Variants in OGG1 observed in about 807,000 individuals in gnomAD.
The protein encoded by OGG1 is N-glycosylase/DNA lyase.
A neutral mutation model predicts 42.3 loss-of-function variants in OGG1; 35 were observed. The ratio of observed to expected loss-of-function variants is 0.83; its 90% CI spans 0.63 to 1.10. The LOEUF (loss-of-function observed/expected upper bound fraction) is 1.10. OGG1 is among the 50% of genes least tolerant of loss of function. The pLI is 0.00. For missense variants in OGG1, 484 were observed against 446.7 expected (o/e 1.08, Z -0.75); for synonymous variants, 189 against 179.0 (o/e 1.06, Z -0.44).
rs781015219 is a variant in OGG1, at chr3:9,757,039, C to A, written c.949-22C>A. ...TGACCCCAGTGTACCCTCCTCCCCA[C>A]ACAGACTCCACCCTCCTACAGGTGC... On this transcript the variant is annotated intron_variant, in intron 6 of 6. Coordinates refer to ENST00000344629, the MANE Select transcript of OGG1 (RefSeq NM_002542.6). This position sits in a 1 kb window ranked among gnomAD's most constrained non-coding sequence, Gnocchi z 4.5. The A allele has an allele frequency of 6.2e-7, 1 of 1,613,896 alleles. No homozygotes were observed. Among genetic ancestry groups the A allele is most frequent in the African/African-American group, 1.3e-5 (1 of 74,934 alleles).
Position 9,773,966 on chromosome 3 carries a change from A to G in OGG1, c.295-7547A>G, listed in dbSNP as rs2078333975. ...AGTGATCCTCCTGCTTGGGTCTCCCAGAGTGCCGGGATTATAGGCGTGAGC... is the reference window on the plus strand; with the variant it reads ...AGTGATCCTCCTGCTTGGGTCTCCCGGAGTGCCGGGATTATAGGCGTGAGC... On this transcript the variant is annotated intron_variant, in intron 2 of 3. Transcript: ENST00000426518. 2.0e-5 allele frequency among the ~76,000 whole-genome samples: 3 copies of G among 152,306 alleles called. No individual in the cohort carries two copies. In the South Asian group the frequency reaches 6.2e-4, roughly 32 times the overall value.
downstream of OGG1, chr3:9,758,217 G>T (rs1468345687): frequency 1.8e-5 from 3 of 166,354 alleles, no homozygotes; most frequent in South Asian, 3.1e-4. Context: ...TTCAAAGGAG[G>T]AAACTGAGGC....
intron 2 of OGG1, 134 bp downstream of exon 2, chr3:9,751,326 T>C: frequency 1.1e-6 from 1 of 877,422 alleles, no homozygotes; most frequent in Non-Finnish European, 1.9e-6. Flanking sequence ...AACTAATACA[T>C]GTAAAGTGCT....
downstream of OGG1, chr3:9,789,428 A>T (rs293790): frequency 7.6e-7 from 1 of 1,315,798 alleles, no homozygotes. Context: ...AAGATGATGC[A>T]TGGCTTTGGT....
At chr3:9,787,124 G>GA (rs746050938) in intron 3 of OGG1, 1 of 1,614,212 alleles carries the variant, frequency 6.2e-7, no homozygotes, top group South Asian at 1.1e-5. Context: ...GCGGGCACAG[G>GA]AAAGGAGGGG....
intron 7 of OGG1, among the ~76,000 whole-genome samples, chr3:9,764,048 A>C (rs1276297053): frequency 1.3e-5 from 2 of 152,338 alleles, no homozygotes; most frequent in East Asian, 3.9e-4. Context: ...CCCACCAGAC[A>C]TAAGCTCCCC....
At chr3:9,767,949 C>G, downstream of OGG1, 1 of 710,916 alleles carries the variant, frequency 1.4e-6, no homozygotes, top group Non-Finnish European at 1.7e-6. Flanking sequence ...TCAGCAAATT[C>G]TCATGCCTAG....
At chr3:9,759,732 T>G (rs1442149355), downstream of OGG1, 1 of 1,614,138 alleles carries the variant, frequency 6.2e-7, no homozygotes, top group Admixed American at 1.7e-5. Flanking sequence ...CTCCATCAAG[T>G]GCCGGATGAA....
intron 2 of OGG1, among the ~76,000 whole-genome samples, chr3:9,780,937 G>A (rs991975624): frequency 2.0e-5 from 3 of 152,044 alleles, no homozygotes; most frequent in African/African-American, 7.3e-5. Flanking sequence ...CCAGGAGTTC[G>A]AGACCAGTCT....
chr3:9,757,940 C>T (rs1245350693), downstream of OGG1: 1 of 1,508,096 alleles, frequency 6.6e-7, no homozygotes, highest in African/African-American at 1.4e-5. This position sits in a 1 kb window ranked among gnomAD's most constrained non-coding sequence, Gnocchi z 4.5. Flanking sequence ...TGCAATTGTT[C>T]TGTTATTTTC....
Position 9,786,896 on chromosome 3 carries a change from C to T in OGG1, c.383-832C>T, listed in dbSNP as rs980902885. 1.2e-5 allele frequency: 12 copies of T among 1,004,154 alleles called. No homozygotes were observed. In the Admixed American group the frequency reaches 1.5e-4, roughly 13 times the overall value. The allele number at this position is 1,004,154 out of a possible 1,614,324, so 62.2% of individuals were successfully genotyped here. On this transcript the variant is annotated intron_variant, in intron 3 of 3. Transcript: ENST00000426518. ...GTCCAGGTTTTTACTTTTGCACCAA[C>T]CTATTTTTGCACCAACCTAATAAAT...
downstream of OGG1, chr3:9,767,831 T>G: frequency 2.5e-6 from 4 of 1,575,144 alleles, no homozygotes; most frequent in Non-Finnish European, 3.5e-6. Context: ...GCCCTCTGTC[T>G]GGGAATTTAC....
At chr3:9,752,278 CATT>C (rs1199142342) in intron 3 of OGG1, among the ~76,000 whole-genome samples, 1 of 152,106 alleles carries the variant, frequency 6.6e-6, no homozygotes, top group Non-Finnish European at 1.5e-5. Context: ...CACTTGGGCA[CATT>C]ATTTAGCATC....
At chr3:9,775,940 A>G (rs1399535165) in intron 2 of OGG1, among the ~76,000 whole-genome samples, 1 of 152,100 alleles carries the variant, frequency 6.6e-6, no homozygotes, top group Non-Finnish European at 1.5e-5. Context: ...GCGCCTGACT[A>G]TACACCCAGA....
At chr3:9,761,830 A>G, downstream of OGG1, 1 of 1,572,528 alleles carries the variant, frequency 6.4e-7, no homozygotes, top group East Asian at 2.3e-5. Context: ...TGCCGCTCCA[A>G]GCACCTTCTG....
intron 7 of OGG1, chr3:9,765,763 G>T: frequency 6.2e-7 from 1 of 1,613,974 alleles, no homozygotes. Context: ...ACGCACTTGT[G>T]CAGGACAGCA....
In OGG1 at chr3:9,786,551, G is replaced by A. The variant is rs74995225; in HGVS notation, c.383-1177G>A. Among the ~76,000 whole-genome samples, 330 of 152,300 alleles carry A rather than the reference G, an allele frequency of 2.2e-3. 2 individuals are homozygous for A. Among genetic ancestry groups the A allele is most frequent in the Non-Finnish European group, 3.9e-3 (262 of 68,022 alleles). ...AATCCTGGTGTGTGAGACCTCAAGT[G>A]AACAGTTCCCTTTTCTGAGCCTCAA... On this transcript the variant is annotated intron_variant, in intron 3 of 3. Coordinates refer to the OGG1 transcript ENST00000426518.
At chr3:9,759,672 C>A, downstream of OGG1, 2 of 1,614,182 alleles carry the variant, frequency 1.2e-6, no homozygotes, top group Non-Finnish European at 1.7e-6. Context: ...GAATTCTCAC[C>A]ATGGGTGCTG....
intron 7 of OGG1, among the ~76,000 whole-genome samples, chr3:9,764,280 A>G (rs1360716210): frequency 6.6e-6 from 1 of 152,220 alleles, no homozygotes. Flanking sequence ...TAAGTGAAAC[A>G]ATAATGGTAA....
Sources: allele counts gnomAD v4.1 joint callset (sites outside exome capture counted in the v4.1 genomes callset), GRCh38; gene constraint gnomAD v4.1.1; non-coding constraint Gnocchi (gnomAD v3.1); transcripts MANE v1.5; gene names NCBI Gene and HGNC (gene_info 2026-07-23, HGNC 2026-07-21).